The following PCNX2 variants were observed in gnomAD, a reference collection of about 807,000 sequenced individuals.
PCNX2 encodes pecanex 2, also known as pecanex-like protein 2.
In PCNX2, 168 loss-of-function variants were observed where a neutral mutation model predicts 223.8. The ratio of observed to expected loss-of-function variants is 0.75; its 90% confidence interval spans 0.66 to 0.85. PCNX2 has a LOEUF of 0.85. PCNX2 is among the 40% of genes least tolerant of loss of function. The pLI is 0.00. For missense variants in PCNX2, 2,507 were observed against 2,675.5 expected (o/e 0.94, Z 1.39); for synonymous variants, 1,006 against 1,052.6 (o/e 0.96, Z 0.86).
rs1669647488 is a variant in PCNX2, at chr1:232,990,279, T to G, written c.5792-3739A>C. The stretch of plus-strand genomic sequence containing the variant: ...AGCCTCCTTCTTGGGCTTGCTCTCC[T>G]TGGAACCTGGGCTACCTGCACACTG... On this transcript the variant is annotated intron_variant, in intron 32 of 33. Coordinates refer to ENST00000258229, the MANE Select transcript of PCNX2 (RefSeq NM_014801.4). The surrounding 1 kb of genome is among the most constrained non-coding windows in gnomAD (Gnocchi z 4.3). Among the ~76,000 whole-genome samples the G allele has an allele frequency of 6.6e-6, 1 of 152,158 alleles. No individual in the cohort carries two copies. Among genetic ancestry groups the G allele is most frequent in the African/African-American group, 2.4e-5 (1 of 41,442 alleles).
chr1:233,171,927 T>C (rs1041443387), intron 17 of PCNX2, among the ~76,000 whole-genome samples: 1 of 152,184 alleles, frequency 6.6e-6, no homozygotes, highest in Non-Finnish European at 1.5e-5. Context: ...TCTCTCCTTA[T>C]CTTTCAGTTC....
At chr1:233,093,663 C>T (rs940967441) in intron 22 of PCNX2, among the ~76,000 whole-genome samples, 3 of 151,640 alleles carry the variant, frequency 2.0e-5, no homozygotes, top group Admixed American at 6.6e-5. Context: ...TCCATGGGTA[C>T]GGGGGAGAGG....
At chr1:233,161,240 C>A in intron 18 of PCNX2, 31 bp downstream of exon 18, 2 of 1,568,248 alleles carry the variant, frequency 1.3e-6, no homozygotes, top group Non-Finnish European at 1.8e-6. Flanking sequence ...AATAAGGGGG[C>A]AGGAAGAGTA....
chr1:232,983,868 G>A lies in PCNX2; in HGVS notation c.*436C>T, dbSNP rs1367131326. On this transcript the variant is annotated 3_prime_UTR_variant, in exon 34 of 34. Transcript: ENST00000258229. ...TTTCATGGTAACAGTAATGTATAAA[G>A]TGCCGATGATGTAACATGCAGTTGT... The A allele has an allele frequency of 6.5e-6, 1 of 154,320 alleles. No homozygotes were observed. Among genetic ancestry groups the A allele is most frequent in the African/African-American group, 2.4e-5 (1 of 41,556 alleles). 9.6% of individuals were successfully genotyped at this position (154,320 alleles called of 1,614,324 possible).
intron 33 of PCNX2, chr1:232,984,832 AG>A: frequency 5.2e-6 from 1 of 191,510 alleles, no homozygotes; most frequent in Non-Finnish European, 1.1e-5. Flanking sequence ...GAGTTCTAGC[AG>A]GCTTGACCCC....
intron 19 of PCNX2, among the ~76,000 whole-genome samples, chr1:233,154,887 A>T (rs941818): frequency 0.058 from 8,788 of 151,972 alleles, 505 homozygotes; most frequent in East Asian, 0.31. Context: ...TGGCCAACAT[A>T]GTGAAACCCT....
intron 21 of PCNX2, among the ~76,000 whole-genome samples, chr1:233,106,344 CCTCT>C (rs1674772639): frequency 6.6e-6 from 1 of 150,674 alleles, no homozygotes. Context: ...TCCTCTCCTC[CCTCT>C]TTTTTTTTTT....
chr1:233,262,768 T>C (rs766256713), intron 2 of PCNX2, among the ~76,000 whole-genome samples, 190 bp downstream of exon 2: 24 of 152,328 alleles, frequency 1.6e-4, no homozygotes, highest in Admixed American at 2.6e-4. Flanking sequence ...AAGACATTTA[T>C]TGGGAAGCCA....
Position 233,001,551 on chromosome 1 carries a change from G to A in PCNX2, c.5083C>T (p.Leu1695=). The A allele has an allele frequency of 1.4e-6, 2 of 1,439,918 alleles. No homozygotes were observed. Among genetic ancestry groups the A allele is most frequent in the Non-Finnish European group, 9.2e-7 (1 of 1,084,204 alleles). 89.2% of individuals were successfully genotyped at this position (1,439,918 alleles called of 1,614,324 possible). A position where few individuals can be genotyped will look rare whatever the true frequency, so the allele number is the denominator to read the frequency against. The stretch of plus-strand genomic sequence containing the variant: ...TAGGTTTTTACCTGGTGAAGTTTCA[G>A]GGACATCCTGATAGCTGGAGCTACA... ...KVVAPAIRMS[L]KLHQDQFTCP... is the part of the protein sequence containing the mutation. Residue 1695 remains leucine (L), a synonymous_variant, in exon 29 of 34, where the codon CTG becomes TTG. Transcript: ENST00000258229. The surrounding 1 kb of genome is among the most constrained non-coding windows in gnomAD (Gnocchi z 4.2).
chr1:233,027,060 G>T (rs1671103567), intron 25 of PCNX2, among the ~76,000 whole-genome samples: 1 of 152,158 alleles, frequency 6.6e-6, no homozygotes, highest in African/African-American at 2.4e-5. Flanking sequence ...AGGTTGGACA[G>T]GTGAAGAGAT....
At chr1:233,284,323 T>G (rs1025849580) in intron 1 of PCNX2, among the ~76,000 whole-genome samples, 2 of 152,204 alleles carry the variant, frequency 1.3e-5, no homozygotes, top group African/African-American at 4.8e-5. Context: ...CCATATATTC[T>G]TAAAGGGTAC....
chr1:233,208,353 T>C (rs1681608119), intron 13 of PCNX2, among the ~76,000 whole-genome samples, 165 bp downstream of exon 13: 2 of 152,216 alleles, frequency 1.3e-5, no homozygotes, highest in Non-Finnish European at 2.9e-5. Flanking sequence ...TTGGATGCTT[T>C]GAGGCTTGGG....
rs141382751 is a variant in PCNX2 at position 233,134,274 on chromosome 1, C to T, written c.3837+739G>A. Among the ~76,000 whole-genome samples the T allele has an allele frequency of 5.7e-4, 87 of 152,222 alleles. 1 individual carries two copies. Among genetic ancestry groups the T allele is most frequent in the East Asian group, 1.4e-3 (7 of 5,176 alleles). On this transcript the variant is annotated intron_variant, in intron 21 of 33. Coordinates refer to ENST00000258229, the MANE Select transcript of PCNX2 (RefSeq NM_014801.4). Reference sequence around the variant, plus strand: ...ATTTCTTTCTATTTCTGCTTACAAACGTAGGTTTCATTACAGTGATCAGGC... The same window carrying T: ...ATTTCTTTCTATTTCTGCTTACAAATGTAGGTTTCATTACAGTGATCAGGC...
intron 1 of PCNX2, chr1:233,285,048 C>T (rs1661377444): frequency 2.0e-6 from 2 of 981,032 alleles, no homozygotes; most frequent in African/African-American, 3.5e-5. Flanking sequence ...CCATGTTGGA[C>T]ATGTAGTATA....
rs1479452838 is a variant in PCNX2, at chr1:233,252,403, T to C, written c.2079A>G (p.Val693=). ...LQVISGPETS[V]QEEISVDAMH... is the part of the protein sequence containing the mutation. ...TAGCATCCACAGATATCTCTTCTTG[T>C]ACAGATGTTTCAGGCCCACTGATGA... is the stretch of plus-strand genomic sequence containing the variant. The change falls in exon 7 of 34, where the codon GTA becomes GTG. Residue 693 remains valine (V), a synonymous_variant. Coordinates refer to ENST00000258229, the MANE Select transcript of PCNX2 (RefSeq NM_014801.4). 1 of 1,613,830 alleles carries C rather than the reference T, an allele frequency of 6.2e-7. No homozygotes were observed. The highest frequency in any genetic ancestry group is 8.5e-7 in the Non-Finnish European group (1 of 1,179,714).
intron 25 of PCNX2, chr1:233,047,487 T>G (rs1174826603): frequency 2.6e-6 from 2 of 772,762 alleles, no homozygotes; most frequent in Admixed American, 6.3e-5. Flanking sequence ...AGGTTAGCTC[T>G]AAAAGATTTT....
In PCNX2 at chr1:233,160,431, T is replaced by A. The variant is rs377753838; in HGVS notation, c.3369A>T (p.Pro1123=). 3.7e-6 allele frequency: 6 copies of A among 1,613,282 alleles called. No individual in the cohort carries two copies. The African/African-American group carries it at 5.3e-5, about 14-fold the overall frequency. The part of the protein sequence containing the change: ...SASTVFLSLR[P]FLSIVLFALA... ...AGGCAAACAGCACGATGCTGAGAAATGGCTGCGATAAAAATGGGCAGAATC... is the reference window on the plus strand; with the variant it reads ...AGGCAAACAGCACGATGCTGAGAAAAGGCTGCGATAAAAATGGGCAGAATC... Residue 1123 remains proline, a splice_region_variant and synonymous_variant, in exon 19 of 34, where the codon CCA becomes CCT. Transcript: ENST00000258229.
rs781656903 is a variant in PCNX2, at chr1:233,258,750, T to G, written c.1112A>C (p.His371Pro). The G allele has an allele frequency of 2.1e-5, 34 of 1,613,810 alleles. No individual in the cohort carries two copies. In the South Asian group the frequency reaches 3.6e-4, roughly 17 times the overall value. The change falls in exon 5 of 34, where the codon CAT (histidine) becomes CCT (proline). Residue 371 changes from histidine (H) to proline (P), a missense_variant. This residue lies in a region of PCNX2 where 1,031 missense variants were observed against 1,021.7 expected (regional missense o/e 1.01). Transcript: ENST00000258229. ...TSQPGDPLSL[H>P]EPIKIVITMS... ...CGTGATAACAATTTTTATGGGCTCA[T>G]GTAGACTCAGTGGGTCTCCGGGTTG...
rs146403016 is a variant in PCNX2 at position 233,121,498 on chromosome 1, T to C, written c.3837+13515A>G. On this transcript the variant is annotated intron_variant, in intron 21 of 33. Transcript: ENST00000258229. Reference sequence around the variant, plus strand: ...TTAGCAAAATAGACACATATATTAATTGAACAAAACAGCTCAAGAAAAAGA... The same window carrying C: ...TTAGCAAAATAGACACATATATTAACTGAACAAAACAGCTCAAGAAAAAGA... 4.3e-3 allele frequency among the ~76,000 whole-genome samples: 661 copies of C among 152,302 alleles called. 3 individuals are homozygous for C. The highest frequency in any genetic ancestry group is 0.015 in the African/African-American group (641 of 41,556).
Sources: allele counts gnomAD v4.1 joint callset (sites outside exome capture counted in the v4.1 genomes callset), GRCh38; gene constraint gnomAD v4.1.1; regional missense constraint gnomAD v4.1.1; non-coding constraint Gnocchi (gnomAD v3.1); transcripts MANE v1.5; gene names NCBI Gene and HGNC (gene_info 2026-07-23, HGNC 2026-07-21).